The following SLC9A3 variants were observed in gnomAD, a reference collection of about 807,000 sequenced individuals.
SLC9A3 encodes solute carrier family 9 member A3.
Under a neutral mutation model 86.8 loss-of-function variants are expected in SLC9A3, and 37 were observed. The ratio of observed to expected loss-of-function variants is 0.43; its 90% CI spans 0.33 to 0.56. The LOEUF is 0.56. Among genes scored for constraint, SLC9A3 ranks in the 20% least tolerant of loss-of-function variants. The probability of loss-of-function intolerance (pLI) is 0.06; values close to 1 mark genes in which losing one functional copy is unlikely to be tolerated. For synonymous variants in SLC9A3, 581 were observed against 528.3 expected, an observed-to-expected ratio of 1.10 and a Z score of -1.37; for missense variants, 1,011 against 1,171.9, an observed-to-expected ratio of 0.86 and a Z score of 2.00.
intron 1 of SLC9A3, among the ~76,000 whole-genome samples, chr5:512,151 G>A (rs1452880028): frequency 6.6e-6 from 1 of 152,222 alleles, no homozygotes; most frequent in Non-Finnish European, 1.5e-5. Flanking sequence ...TTAGGGCAGT[G>A]AAGCTCCTCT....
intron 1 of SLC9A3, among the ~76,000 whole-genome samples, chr5:492,652 C>T (rs1215235680): frequency 6.8e-6 from 1 of 146,248 alleles, no homozygotes; most frequent in Non-Finnish European, 1.5e-5. Flanking sequence ...GCTGGATGGA[C>T]GGTGGTCGGG....
chr5:474,161 G>C (rs1021586565), intron 16 of SLC9A3, among the ~76,000 whole-genome samples: 1 of 142,566 alleles, frequency 7.0e-6, no homozygotes, highest in African/African-American at 2.7e-5. Flanking sequence ...CCTGGAGGGA[G>C]AGGAGCTGCG....
In SLC9A3 at chr5:473,047, G is replaced by C. The variant is rs1249188938; in HGVS notation, c.*332C>G. On this transcript the variant is annotated 3_prime_UTR_variant, in exon 17 of 17. Coordinates refer to ENST00000264938, the MANE Select transcript of SLC9A3 (RefSeq NM_004174.4). ...AGCGACGCCAGCTTCAGCAGCGCGG[G>C]GCGGCGGCGCGCGCGAGGCCGCTGG... The C allele has an allele frequency of 2.1e-5, 7 of 339,750 alleles. No individual in the cohort carries two copies. Among genetic ancestry groups the C allele is most frequent in the Non-Finnish European group, 2.6e-5 (5 of 189,046 alleles). The allele number at this position is 339,750 out of a possible 1,614,324, so 21.0% of individuals were successfully genotyped here. A position where few individuals can be genotyped will look rare whatever the true frequency, so the allele number is the denominator to read the frequency against.
intron 16 of SLC9A3, 30 bp downstream of exon 16, chr5:474,853 G>A (rs1336307784): frequency 6.4e-7 from 1 of 1,566,108 alleles, no homozygotes; most frequent in Admixed American, 1.9e-5. Flanking sequence ...GCGGAGAGGG[G>A]TTAGGCGGCG....
intron 1 of SLC9A3, among the ~76,000 whole-genome samples, chr5:523,275 G>A (rs1733938920): frequency 1.3e-5 from 2 of 152,122 alleles, no homozygotes; most frequent in Non-Finnish European, 2.9e-5. Context: ...CCTGTCCTGC[G>A]TGGGCGCCCC....
Position 521,383 on chromosome 5 carries a change from A to G in SLC9A3, c.211+2729T>C, listed in dbSNP as rs370947775. On this transcript the variant is annotated intron_variant, in intron 1 of 16. Transcript: ENST00000264938. ...CTCTGTCCCAAGCTGCCTGGAGTAG[A>G]AATCTCCTGGGATCAACATTGCTGT... Among the ~76,000 whole-genome samples the G allele has an allele frequency of 2.6e-5, 4 of 152,334 alleles. No individual in the cohort carries two copies. In the East Asian group the frequency reaches 7.7e-4, roughly 29 times the overall value.
chr5:495,157 G>A (rs973344362), intron 1 of SLC9A3, among the ~76,000 whole-genome samples: 6 of 152,054 alleles, frequency 3.9e-5, no homozygotes, highest in East Asian at 1.9e-4. Flanking sequence ...GCTCCTGGAC[G>A]CCCTCACCCT....
Position 488,419 on chromosome 5 carries a change from ACAG to A in SLC9A3, c.569_571del (p.Ala190del). 1 of 1,604,644 alleles carries A rather than the reference ACAG, an allele frequency of 6.2e-7. No individual in the cohort carries two copies. Among genetic ancestry groups the A allele is most frequent in the Non-Finnish European group, 8.5e-7 (1 of 1,175,260 alleles). On this transcript the variant is annotated inframe_deletion, in exon 3 of 17. Transcript: ENST00000264938. ...CACGGCCAGGACGGCCACCGGGTCCACAGCCGCCATGAGGCTGCCAAACAGGAG... is the reference window on the plus strand; with the variant it reads ...CACGGCCAGGACGGCCACCGGGTCCACCGCCATGAGGCTGCCAAACAGGAG...
In SLC9A3 at chr5:474,993, G is replaced by A. The variant is rs1240476568; in HGVS notation, c.2391C>T (p.Thr797=). ...GGCGGAAGGGCATCAGGCGGCAGAA[G>A]GTGCCGGGAGAGTAGGGAATCTGCG... The part of the protein sequence containing the change: ...ARTQIPYSPG[T]FCRLMPFRLS... Residue 797 remains threonine, a synonymous_variant, in exon 16 of 17, where the codon ACC becomes ACT. Transcript: ENST00000264938. 7 of 1,612,226 alleles carry A rather than the reference G, an allele frequency of 4.3e-6. No homozygotes were observed. Among genetic ancestry groups the A allele is most frequent in the Non-Finnish European group, 5.1e-6 (6 of 1,179,722 alleles).
intron 13 of SLC9A3, 41 bp downstream of exon 13, chr5:476,161 A>G (rs770412279): frequency 1.2e-6 from 2 of 1,612,456 alleles, no homozygotes; most frequent in Non-Finnish European, 1.7e-6. Context: ...CCCCCGCTCC[A>G]GGCCCCAGCC....
At chr5:477,167 C>A in intron 11 of SLC9A3, 165 bp downstream of exon 11, 1 of 581,772 alleles carries the variant, frequency 1.7e-6, no homozygotes, top group Non-Finnish European at 3.1e-6. Context: ...TGGCCACGGC[C>A]TAATATAGGA....
chr5:489,027 C>A (rs1739602256), intron 2 of SLC9A3, among the ~76,000 whole-genome samples: 1 of 152,192 alleles, frequency 6.6e-6, no homozygotes, highest in African/African-American at 2.4e-5. Flanking sequence ...TCCCTCCCCG[C>A]ATCTGCCTGT....
At chr5:495,162 C>A (rs1262135515) in intron 1 of SLC9A3, among the ~76,000 whole-genome samples, 10 of 152,048 alleles carry the variant, frequency 6.6e-5, no homozygotes, top group African/African-American at 2.4e-4. Flanking sequence ...TGGACGCCCT[C>A]ACCCTTGGTG....
intron 9 of SLC9A3, among the ~76,000 whole-genome samples, chr5:481,173 A>C (rs1376821525): frequency 6.6e-6 from 1 of 152,250 alleles, no homozygotes; most frequent in Non-Finnish European, 1.5e-5. Flanking sequence ...TACAGGCTTG[A>C]GCCCTGCCAG....
Position 482,137 on chromosome 5 carries a change from C to T in SLC9A3, c.1377G>A (p.Leu459=), listed in dbSNP as rs981710562. ...TCCTCTTCACCTTCAGCCACTGCAC[C>T]AGAGGCTTGATGGTCAGGCCCTGGA... The part of the protein sequence containing the change: ...VIFQGLTIKP[L]VQWLKVKRSE... The change falls in exon 8 of 17, where the codon CTG becomes CTA. Residue 459 remains leucine, a synonymous_variant. Coordinates refer to ENST00000264938, the MANE Select transcript of SLC9A3 (RefSeq NM_004174.4). 6.2e-7 allele frequency: 1 copy of T among 1,611,390 alleles called. No individual in the cohort carries two copies. Among genetic ancestry groups the T allele is most frequent in the East Asian group, 2.2e-5 (1 of 44,734 alleles).
At chr5:476,497 A>G (rs375599119) in intron 12 of SLC9A3, 46 bp downstream of exon 12, 11 of 1,603,428 alleles carry the variant, frequency 6.9e-6, no homozygotes, top group Non-Finnish European at 8.5e-6. Flanking sequence ...AAGCCGCCCC[A>G]CGGGGTCCCT....
At chr5:488,591 T>C (rs1293372165) in intron 2 of SLC9A3, 115 bp from the exon 3 acceptor site, 29 of 1,082,712 alleles carry the variant, frequency 2.7e-5, no homozygotes, top group African/African-American at 3.2e-5. Flanking sequence ...CTGGCGCCGG[T>C]GGCGTGGGGA....
chr5:507,163 C>CTGCTTTTTTTTTTTTT (rs1553999262), intron 1 of SLC9A3, among the ~76,000 whole-genome samples: 4 of 34,752 alleles, frequency 1.2e-4, no homozygotes, highest in Non-Finnish European at 1.7e-4. Flanking sequence ...CCGGCTGCTG[C>CTGCTTTTTTTTTTTTT]TTCTTTTTTT....
chr5:523,424 C>A (rs888483071), intron 1 of SLC9A3, among the ~76,000 whole-genome samples: 1 of 152,048 alleles, frequency 6.6e-6, no homozygotes, highest in Admixed American at 6.5e-5. Flanking sequence ...CGAGTGACCA[C>A]CTCCCTGCCA....
Sources: gnomAD v4.1 joint callset for allele counts (sites outside exome capture counted in the v4.1 genomes callset) on GRCh38, gnomAD v4.1.1 for gene constraint, MANE v1.5 for transcripts, NCBI Gene and HGNC (gene_info 2026-07-23, HGNC 2026-07-21) for gene names.